The following GAP43 variants were observed in gnomAD, a reference collection of about 807,000 sequenced individuals.
The protein encoded by GAP43 is growth associated protein 43, also known as neuromodulin.
Under a neutral mutation model 18.6 loss-of-function variants are expected in GAP43, and 6 were observed. That is an observed-to-expected ratio of 0.32 (90% CI 0.18 to 0.64). The LOEUF (loss-of-function observed/expected upper bound fraction) is 0.64, where lower values mean the gene tolerates loss of function less well. GAP43 is among the 30% of genes least tolerant of loss of function. The pLI, the probability that GAP43 is intolerant of heterozygous loss-of-function variation, is 0.78. For synonymous variants in GAP43, 115 were observed against 111.4 expected, an observed-to-expected ratio of 1.03 and a Z score of -0.20; for missense variants, 292 against 295.5, an observed-to-expected ratio of 0.99 and a Z score of 0.09.
intron 1 of GAP43, among the ~76,000 whole-genome samples, chr3:115,637,061 A>T (rs1046243800): frequency 1.3e-5 from 2 of 152,072 alleles, no homozygotes; most frequent in Non-Finnish European, 2.9e-5. Flanking sequence ...AATCTTGCCT[A>T]AACTCCGGGC....
chr3:115,642,946 AATTG>A (rs1284389892), intron 1 of GAP43, among the ~76,000 whole-genome samples: 4 of 152,096 alleles, frequency 2.6e-5, no homozygotes, highest in Admixed American at 6.6e-5. Flanking sequence ...ATGAAAATAC[AATTG>A]ATTAACTGAG....
At chr3:115,658,657 G>T (rs1464933165) in intron 1 of GAP43, 1 of 152,338 alleles carries the variant, frequency 6.6e-6, no homozygotes, top group South Asian at 2.1e-4. Flanking sequence ...ACGGCGCTTG[G>T]GGTCCGCGGG....
At chr3:115,632,034 AGG>A (rs1161796345) in intron 1 of GAP43, among the ~76,000 whole-genome samples, 3 of 152,186 alleles carry the variant, frequency 2.0e-5, no homozygotes, top group African/African-American at 7.2e-5. Flanking sequence ...ACAAGACCCA[AGG>A]ATCACTTCAA....
chr3:115,668,245 T>C (rs1480034907), intron 1 of GAP43, among the ~76,000 whole-genome samples: 2 of 152,174 alleles, frequency 1.3e-5, no homozygotes, highest in African/African-American at 4.8e-5. Context: ...TTAACGTGCC[T>C]CATCGCAACA....
chr3:115,703,470 T>A (rs1460858282), intron 2 of GAP43, among the ~76,000 whole-genome samples: 1 of 152,072 alleles, frequency 6.6e-6, no homozygotes, highest in Non-Finnish European at 1.5e-5. Flanking sequence ...AGAGCTGGAA[T>A]GCCTGTTAAA....
chr3:115,669,976 T>A (rs1327472070), intron 1 of GAP43, among the ~76,000 whole-genome samples: 5 of 135,252 alleles, frequency 3.7e-5, no homozygotes, highest in East Asian at 2.3e-4. Flanking sequence ...TTTTTATTTT[T>A]TTTTTTTAAT....
intron 1 of GAP43, among the ~76,000 whole-genome samples, chr3:115,659,869 T>A (rs910216841): frequency 2.0e-5 from 3 of 152,186 alleles, no homozygotes; most frequent in African/African-American, 4.8e-5. Flanking sequence ...ATAACAGTGA[T>A]TCGCGTATCT....
intron 1 of GAP43, among the ~76,000 whole-genome samples, chr3:115,635,026 G>A (rs1708310474): frequency 6.6e-6 from 1 of 152,092 alleles, no homozygotes; most frequent in Non-Finnish European, 1.5e-5. Context: ...TCATAAGGGA[G>A]AATGATATTG....
At chr3:115,663,545 G>T in intron 1 of GAP43, 1 of 1,269,800 alleles carries the variant, frequency 7.9e-7, no homozygotes, top group Non-Finnish European at 9.9e-7. Flanking sequence ...CTGGTCTCTG[G>T]GTTGTTTTCA....
At chr3:115,707,774 G>T (rs1709383094) in intron 2 of GAP43, among the ~76,000 whole-genome samples, 1 of 152,128 alleles carries the variant, frequency 6.6e-6, no homozygotes, top group Admixed American at 6.5e-5. Context: ...AAAAAATGGA[G>T]AATGATGGGA....
At chr3:115,710,282 T>C (rs1376959397) in intron 2 of GAP43, among the ~76,000 whole-genome samples, 2 of 152,024 alleles carry the variant, frequency 1.3e-5, no homozygotes, top group African/African-American at 4.8e-5. Context: ...GTAGATATCA[T>C]AGGCTATACC....
At chr3:115,663,886 A>C in intron 1 of GAP43, 6 of 1,552,080 alleles carry the variant, frequency 3.9e-6, no homozygotes, top group Non-Finnish European at 5.2e-6. Flanking sequence ...GTCCTTATTC[A>C]CTTGGCTTCT....
At chr3:115,635,345 A>G (rs1022758538) in intron 1 of GAP43, among the ~76,000 whole-genome samples, 5 of 152,120 alleles carry the variant, frequency 3.3e-5, no homozygotes, top group African/African-American at 4.8e-5. Flanking sequence ...TGATAACTCA[A>G]CCAGATTTGT....
intron 2 of GAP43, among the ~76,000 whole-genome samples, chr3:115,710,683 G>C (rs1220739367): frequency 6.6e-6 from 1 of 152,092 alleles, no homozygotes; most frequent in Admixed American, 6.5e-5. Flanking sequence ...TCCATGGTTA[G>C]AGTTCATAGC....
At chr3:115,702,552 A>G (rs2107368924) in intron 2 of GAP43, among the ~76,000 whole-genome samples, 1 of 152,274 alleles carries the variant, frequency 6.6e-6, no homozygotes, top group East Asian at 1.9e-4. Flanking sequence ...CCAACAGTTA[A>G]GGAGATGATT....
chr3:115,648,621 G>A (rs1708486999), intron 1 of GAP43, among the ~76,000 whole-genome samples: 1 of 152,052 alleles, frequency 6.6e-6, no homozygotes, highest in Non-Finnish European at 1.5e-5. Flanking sequence ...ACTAATTGAA[G>A]GTCCAGAAGT....
At chr3:115,719,643 ATTTG>A (rs1709553141) in intron 2 of GAP43, among the ~76,000 whole-genome samples, 1 of 152,212 alleles carries the variant, frequency 6.6e-6, no homozygotes, top group Non-Finnish European at 1.5e-5. Flanking sequence ...ACTCTTAGAA[ATTTG>A]TTTGGTTTCC....
intron 1 of GAP43, among the ~76,000 whole-genome samples, chr3:115,631,733 G>C (rs761153674): frequency 6.6e-6 from 1 of 152,130 alleles, no homozygotes. Context: ...CAATTCTCCT[G>C]TCTCAGCCTC....
chr3:115,639,202 T>C (rs1033965734), intron 1 of GAP43, among the ~76,000 whole-genome samples: 1 of 152,134 alleles, frequency 6.6e-6, no homozygotes, highest in Non-Finnish European at 1.5e-5. Context: ...AGCTAATAGA[T>C]ATTTCACACA....
Sources: allele counts gnomAD v4.1 joint callset (sites outside exome capture counted in the v4.1 genomes callset), GRCh38; gene constraint gnomAD v4.1.1; transcripts MANE v1.5; gene names NCBI Gene and HGNC (gene_info 2026-07-23, HGNC 2026-07-21).